The following RBM25 variants were observed in gnomAD, a reference collection of about 807,000 sequenced individuals.
RBM25 encodes the protein RNA-binding protein 25.
RBM25 carries 19 observed loss-of-function variants against 120.7 expected under a neutral mutation model. The ratio of observed to expected loss-of-function variants is 0.16; its 90% CI spans 0.11 to 0.23. The LOEUF is 0.23. RBM25 is among the 10% of genes least tolerant of loss of function. RBM25 has a pLI of 1.00. For missense variants in RBM25, 605 were observed against 1,041.5 expected, an observed-to-expected ratio of 0.58 and a Z score of 5.77; for synonymous variants, 390 against 326.7, an observed-to-expected ratio of 1.19 and a Z score of -2.09.
Position 73,106,275 on chromosome 14 carries a change from G to A in RBM25, c.1457G>A (p.Arg486Lys). The A allele has an allele frequency of 1.3e-6, 2 of 1,579,984 alleles. No individual in the cohort carries two copies. Among genetic ancestry groups the A allele is most frequent in the Non-Finnish European group, 1.7e-6 (2 of 1,163,224 alleles). Residue 486 changes from arginine to lysine, a missense_variant, in exon 12 of 19, where the codon AGA becomes AAA. Transcript: ENST00000261973. ...GAAGCTGAAAGAGAAGAAGAAAGAA[G>A]AAGAGAAATGGTAAGATTCTAGGCT... ...EKEAEREEER[R>K]REMAKEAKRL...
chr14:73,106,323 A>T, intron 12 of RBM25, 38 bp downstream of exon 12: 1 of 1,509,408 alleles, frequency 6.6e-7, no homozygotes. Flanking sequence ...TTTTCAGGTA[A>T]AAAGTCAGAT....
chr14:73,069,072 T>A (rs1895213071), intron 1 of RBM25, among the ~76,000 whole-genome samples: 1 of 151,992 alleles, frequency 6.6e-6, no homozygotes, highest in Non-Finnish European at 1.5e-5. Flanking sequence ...CTTGGCTGAT[T>A]TATGTATTTT....
chr14:73,103,946 TCTCACACA>T (rs1566597477), intron 10 of RBM25, among the ~76,000 whole-genome samples: 12 of 43,930 alleles, frequency 2.7e-4, no homozygotes, highest in Admixed American at 1.8e-3. Context: ...TCTCTCTCTC[TCTCACACA>T]CACACACACA....
In RBM25 at chr14:73,109,463, C is replaced by CATCCAG; in HGVS notation, c.1672_1677dup (p.Pro558_Asp559dup). 1 of 1,614,094 alleles carries CATCCAG rather than the reference C, an allele frequency of 6.2e-7. No individual in the cohort carries two copies. Among genetic ancestry groups the CATCCAG allele is most frequent in the Non-Finnish European group, 8.5e-7 (1 of 1,179,974 alleles). On this transcript the variant is annotated inframe_insertion, in exon 14 of 19. Coordinates refer to ENST00000261973, the MANE Select transcript of RBM25 (RefSeq NM_021239.3). ...CAGGCAGCGCCTTCTGGCAGAAGGG[C>CATCCAG]ATCCAGATCCAGATGCAGAGCTCCA...
chr14:73,100,636 A>T (rs1215835756), intron 9 of RBM25: 1 of 252,660 alleles, frequency 4.0e-6, no homozygotes, highest in Non-Finnish European at 7.5e-6. Context: ...AGACTGAGAG[A>T]TCTTTAACTC....
chr14:73,117,210 C>CTTTTTTTTTTTTTTTTTTTTTTT lies in RBM25; in HGVS notation c.2440-2491_2440-2469dup, dbSNP rs71112704. 5.3e-4 allele frequency among the ~76,000 whole-genome samples: 26 copies of CTTTTTTTTTTTTTTTTTTTTTTT among 49,420 alleles called. 6 individuals carry two copies. The highest frequency in any genetic ancestry group is 1.2e-3 in the South Asian group (1 of 864). The allele number at this position is 49,420 out of a possible 152,430, so 32.4% of individuals were successfully genotyped here. Reference sequence around the variant, plus strand: ...TTTCTTTTAATTTCTTTCTTCTTTTCTTTTTTTTTTTTTTTTTTTTTTTTT... The same window carrying CTTTTTTTTTTTTTTTTTTTTTTT: ...TTTCTTTTAATTTCTTTCTTCTTTTCTTTTTTTTTTTTTTTTTTTTTTTTTTTTTTTTTTTTTTTTTTTTTTTT... On this transcript the variant is annotated intron_variant, in intron 18 of 18. Coordinates refer to ENST00000261973, the MANE Select transcript of RBM25 (RefSeq NM_021239.3).
intron 7 of RBM25, 55 bp downstream of exon 7, chr14:73,097,155 C>T (rs1376380244): frequency 1.0e-6 from 1 of 954,264 alleles, no homozygotes; most frequent in East Asian, 4.1e-5. Flanking sequence ...TATGATATCA[C>T]TCTTATACTT....
At chr14:73,117,194 ATTTC>A (rs1336540729) in intron 18 of RBM25, among the ~76,000 whole-genome samples, 72 of 74,154 alleles carry the variant, frequency 9.7e-4, no homozygotes, top group African/African-American at 1.2e-3. Flanking sequence ...CTTTCTTTTA[ATTTC>A]TTTCTTCTTT....
chr14:73,071,979 CT>C (rs915182451), intron 2 of RBM25, among the ~76,000 whole-genome samples: 76 of 143,286 alleles, frequency 5.3e-4, no homozygotes, highest in African/African-American at 5.9e-4. Flanking sequence ...TTAAAAAATT[CT>C]TTTTTTTTTT....
At chr14:73,118,313 T>A (rs915061981) in intron 18 of RBM25, among the ~76,000 whole-genome samples, 15 of 151,990 alleles carry the variant, frequency 9.9e-5, no homozygotes, top group Non-Finnish European at 1.6e-4. Context: ...CTGTCTCTAC[T>A]AAAAAGCACA....
In RBM25 at chr14:73,105,954, G is replaced by C; in HGVS notation, c.1250G>C (p.Arg417Pro). 6.2e-7 allele frequency: 1 copy of C among 1,613,586 alleles called. No individual in the cohort carries two copies. Among genetic ancestry groups the C allele is most frequent in the Non-Finnish European group, 8.5e-7 (1 of 1,179,788 alleles). The stretch of plus-strand genomic sequence containing the variant: ...CGAGAACGGGAGCGAGAGAGAGAGC[G>C]AGAGAGGGAACGGGAGCGAGAAAGA... Reference protein sequence around the residue: ...REREREREREREREREREREK... With the variant: ...REREREREREPEREREREREK... Residue 417 changes from arginine to proline, a missense_variant, in exon 11 of 19, where the codon CGA becomes CCA. Physicochemically the swap from Arg to Pro is moderately radical, Grantham distance 103. Coordinates refer to ENST00000261973, the MANE Select transcript of RBM25 (RefSeq NM_021239.3).
chr14:73,114,909 G>A (rs1896392169), intron 18 of RBM25, among the ~76,000 whole-genome samples: 1 of 151,926 alleles, frequency 6.6e-6, no homozygotes, highest in East Asian at 1.9e-4. Context: ...AAATAAATAA[G>A]GCTTCATTCT....
At chr14:73,106,965 G>A (rs921634786) in intron 12 of RBM25, among the ~76,000 whole-genome samples, 4 of 151,438 alleles carry the variant, frequency 2.6e-5, no homozygotes, top group Non-Finnish European at 2.9e-5. Context: ...TCAGCCTCCC[G>A]AGTAGCTGGG....
intron 1 of RBM25, chr14:73,068,342 C>T: frequency 2.8e-6 from 2 of 707,774 alleles, no homozygotes; most frequent in Non-Finnish European, 5.1e-6. Flanking sequence ...GCCTTTTCGT[C>T]TTGGCAGTGA....
intron 1 of RBM25, among the ~76,000 whole-genome samples, chr14:73,068,938 C>G (rs1319781475): frequency 2.6e-5 from 4 of 152,142 alleles, no homozygotes; most frequent in Admixed American, 6.6e-5. Context: ...TAGACAGACT[C>G]TGTCACCCAG....
chr14:73,120,384 G>A lies in RBM25; in HGVS notation c.*579G>A, dbSNP rs1896518954. ...TTCTTTTCCCTAATTTGCTTTGGTG[G>A]GGTCCTTAAAACATTTCCCAACTAA... On this transcript the variant is annotated 3_prime_UTR_variant, in exon 19 of 19. Coordinates refer to ENST00000261973, the MANE Select transcript of RBM25 (RefSeq NM_021239.3). 6.5e-6 allele frequency: 1 copy of A among 152,700 alleles called. No individual in the cohort carries two copies. The highest frequency in any genetic ancestry group is 1.5e-5 in the Non-Finnish European group (1 of 68,110). 9.5% of individuals were successfully genotyped at this position (152,700 alleles called of 1,614,324 possible). A position where few individuals can be genotyped will look rare whatever the true frequency, so the allele number is the denominator to read the frequency against.
Position 73,110,946 on chromosome 14 carries a change from A to G in RBM25, c.1808A>G (p.Glu603Gly), listed in dbSNP as rs1028072863. The change falls in exon 15 of 19, where the codon GAG (glutamate) becomes GGG (glycine). Residue 603 changes from glutamate (E) to glycine (G), a missense_variant. By Grantham distance (98) the Glu-to-Gly change is moderately conservative. Around this residue, in one of 4 missense-constraint regions of RBM25, gnomAD observed 465 missense variants for 741.6 expected, o/e 0.63. Transcript: ENST00000261973. ...GAAAAACGAGAAGAACCCATGGAAG[A>G]GGAAGAGGAGCCAGAGCAAAAGCCT... Reference protein sequence around the residue: ...KEEKREEPMEEEEEPEQKPCL... With the variant: ...KEEKREEPMEGEEEPEQKPCL... 1.2e-6 allele frequency: 2 copies of G among 1,612,704 alleles called. No individual in the cohort carries two copies. The highest frequency in any genetic ancestry group is 4.5e-5 in the East Asian group (2 of 44,888).
chr14:73,093,761 C>A (rs538424616), intron 6 of RBM25, among the ~76,000 whole-genome samples: 127 of 152,118 alleles, frequency 8.3e-4, no homozygotes, highest in Non-Finnish European at 1.4e-3. Flanking sequence ...CCCGCCTCGG[C>A]CTCCCAAAGT....
At chr14:73,107,321 G>A (rs1896211220) in intron 12 of RBM25, 1 of 153,382 alleles carries the variant, frequency 6.5e-6, no homozygotes, top group Non-Finnish European at 1.4e-5. Context: ...TGTCTAATGT[G>A]ACCTATACTT....
Sources: allele counts gnomAD v4.1 joint callset (sites outside exome capture counted in the v4.1 genomes callset), GRCh38; gene constraint gnomAD v4.1.1; regional missense constraint gnomAD v4.1.1; transcripts MANE v1.5; gene names NCBI Gene and HGNC (gene_info 2026-07-23, HGNC 2026-07-21).